The following PCBP2 variants were observed in gnomAD, a reference collection of about 807,000 sequenced individuals.
PCBP2 encodes poly(rC) binding protein 2, also known as poly(rC)-binding protein 2.
Under a neutral mutation model 50.1 loss-of-function variants are expected in PCBP2, and 4 were observed. That is an observed-to-expected ratio of 0.08 (90% confidence interval 0.04 to 0.18). The LOEUF is 0.18. Ranked by LOEUF, PCBP2 falls within the 10% of genes least tolerant of loss-of-function variation. The pLI is 1.00. For missense variants in PCBP2, 161 were observed against 474.3 expected (o/e 0.34, Z 6.14); for synonymous variants, 179 against 168.0 (o/e 1.07, Z -0.51).
At chr12:53,467,387 C>T (rs1338643405) in intron 11 of PCBP2, 94 bp downstream of exon 11, 1 of 1,025,844 alleles carries the variant, frequency 9.7e-7, no homozygotes, top group South Asian at 1.3e-5. Flanking sequence ...AAACAAACTT[C>T]GTTATCCAGC....
Position 53,471,621 on chromosome 12 carries a change from T to C in PCBP2, c.883-17T>C. On this transcript the variant is annotated splice_polypyrimidine_tract_variant and intron_variant, in intron 13 of 14. Coordinates refer to ENST00000546463, the MANE Select transcript of PCBP2 (RefSeq NM_031989.5). ...CAACTCTAATTCGGTGTGCCTTGTT[T>C]TTCTTTCTCCCTTAAGTTGATTGGC... 5.0e-6 allele frequency: 8 copies of C among 1,602,008 alleles called. No individual in the cohort carries two copies. The highest frequency in any genetic ancestry group is 6.8e-6 in the Non-Finnish European group (8 of 1,173,174).
chr12:53,460,868 T>G, intron 6 of PCBP2, 147 bp from the exon 7 acceptor site: 2 of 787,334 alleles, frequency 2.5e-6, no homozygotes, highest in Admixed American at 2.7e-5. Flanking sequence ...CTATCTGGAA[T>G]AAGGGAAGAG....
intron 14 of PCBP2, chr12:53,475,170 G>T: frequency 2.2e-6 from 1 of 456,518 alleles, no homozygotes; most frequent in Non-Finnish European, 4.4e-6. Context: ...CGTGCCATGT[G>T]TAACTAACAA....
chr12:53,456,202 C>A, intron 5 of PCBP2: 1 of 566,480 alleles, frequency 1.8e-6, no homozygotes, highest in East Asian at 3.1e-5. Context: ...CGTGGTGGCT[C>A]ATGGCTGTAG....
At chr12:53,460,252 C>T in intron 6 of PCBP2, 1 of 232,670 alleles carries the variant, frequency 4.3e-6, no homozygotes, top group Admixed American at 5.3e-5. Context: ...AACCCTCCTA[C>T]CTCAAGCCTC....
At chr12:53,473,763 GTTTT>G (rs34942612) in intron 14 of PCBP2, among the ~76,000 whole-genome samples, 18 of 144,960 alleles carry the variant, frequency 1.2e-4, no homozygotes, top group Non-Finnish European at 2.7e-4. Flanking sequence ...AAGTCAAAGG[GTTTT>G]TTTTTTTTTC....
At position 53,461,125 on chromosome 12, in the gene PCBP2, C is replaced by T; in HGVS notation, c.486C>T (p.Ile162=). Residue 162 remains isoleucine, a synonymous_variant, in exon 7 of 15, where the codon ATC becomes ATT. Coordinates refer to ENST00000546463, the MANE Select transcript of PCBP2 (RefSeq NM_031989.5). The part of the protein sequence containing the change: ...PQSIIECVKQ[I]CVVMLESPPK... ...CCATCATTGAGTGTGTCAAACAGATCTGCGTGGTCATGTTGGAGGTAAGCC... is the reference window on the plus strand; with the variant it reads ...CCATCATTGAGTGTGTCAAACAGATTTGCGTGGTCATGTTGGAGGTAAGCC... 1 of 1,613,960 alleles carries T rather than the reference C, an allele frequency of 6.2e-7. No individual in the cohort carries two copies. The highest frequency in any genetic ancestry group is 1.3e-5 in the African/African-American group (1 of 75,002).
intron 12 of PCBP2, 70 bp downstream of exon 12, chr12:53,467,913 T>G: frequency 8.6e-7 from 1 of 1,158,624 alleles, no homozygotes; most frequent in Non-Finnish European, 1.3e-6. Context: ...GAGTCTTGTT[T>G]CACTGCCCAT....
At chr12:53,468,125 G>A (rs1941945328) in intron 12 of PCBP2, 2 of 355,636 alleles carry the variant, frequency 5.6e-6, no homozygotes, top group African/African-American at 2.1e-5. Flanking sequence ...AGATGGGTAC[G>A]GGTATTTGCT....
chr12:53,478,499 C>A (rs34109204), intron 14 of PCBP2, among the ~76,000 whole-genome samples: 17,807 of 151,092 alleles, frequency 0.12, 1,214 homozygotes, highest in Non-Finnish European at 0.16. Flanking sequence ...AACTCAGTCT[C>A]AAAAAAATAA....
At chr12:53,453,994 G>A (rs1009451379) in intron 1 of PCBP2, among the ~76,000 whole-genome samples, 1 of 152,186 alleles carries the variant, frequency 6.6e-6, no homozygotes, top group Non-Finnish European at 1.5e-5. Flanking sequence ...ATAAAAACTG[G>A]ATGGTAAACA....
At chr12:53,462,354 C>A (rs1047681936) in intron 7 of PCBP2, 139 bp from the exon 8 acceptor site, 3 of 590,936 alleles carry the variant, frequency 5.1e-6, no homozygotes, top group Admixed American at 3.2e-5. Flanking sequence ...GAGATTAGAT[C>A]TAGCCAGAGA....
intron 13 of PCBP2, among the ~76,000 whole-genome samples, chr12:53,469,229 G>A (rs2137085791): frequency 6.6e-6 from 1 of 152,006 alleles, no homozygotes; most frequent in African/African-American, 2.4e-5. Flanking sequence ...TTAAGCCCTA[G>A]GGAAAGAAAC....
intron 9 of PCBP2, among the ~76,000 whole-genome samples, chr12:53,465,594 T>C (rs1941760506): frequency 6.6e-6 from 1 of 152,160 alleles, no homozygotes; most frequent in African/African-American, 2.4e-5. Flanking sequence ...TAGGCTATCT[T>C]GTATACAGGG....
intron 5 of PCBP2, 59 bp downstream of exon 5, chr12:53,456,060 A>AT: frequency 2.9e-6 from 3 of 1,043,018 alleles, no homozygotes; most frequent in Non-Finnish European, 4.5e-6. Context: ...GAGCTTGTTG[A>AT]TTTTCTAAGA....
intron 14 of PCBP2, 34 bp downstream of exon 14, chr12:53,471,841 C>T (rs375209748): frequency 6.3e-7 from 1 of 1,586,800 alleles, no homozygotes; most frequent in Non-Finnish European, 8.6e-7. Context: ...TTATTTATGC[C>T]AACACAGTAA....
chr12:53,455,336 C>T lies in PCBP2; in HGVS notation c.70-11C>T. On this transcript the variant is annotated splice_polypyrimidine_tract_variant and intron_variant, in intron 2 of 14. Coordinates refer to ENST00000546463, the MANE Select transcript of PCBP2 (RefSeq NM_031989.5). ...GTTTCCTCTTACTGACGTTAGTTTT[C>T]TCCATTGCAGGAAGTTGGCAGTATC... is the stretch of plus-strand genomic sequence containing the variant. The T allele has an allele frequency of 6.2e-7, 1 of 1,612,884 alleles. No homozygotes were observed. Among genetic ancestry groups the T allele is most frequent in the Non-Finnish European group, 8.5e-7 (1 of 1,179,212 alleles).
chr12:53,463,321 C>T lies in PCBP2; in HGVS notation c.579+754C>T, dbSNP rs769348014. On this transcript the variant is annotated intron_variant, in intron 8 of 14. Coordinates refer to ENST00000546463, the MANE Select transcript of PCBP2 (RefSeq NM_031989.5). ...AGAAGCATTGAAGGACCATGGTAGT[C>T]CTATGCTCTGATTGTATTTGAGGAG... Among the ~76,000 whole-genome samples, 298 of 152,112 alleles carry T rather than the reference C, an allele frequency of 2.0e-3. 4 individuals carry two copies. The highest frequency in any genetic ancestry group is 9.6e-4 in the Non-Finnish European group (65 of 68,020).
intron 5 of PCBP2, among the ~76,000 whole-genome samples, chr12:53,459,066 CTAA>C (rs1210298207): frequency 1.3e-5 from 2 of 151,982 alleles, no homozygotes; most frequent in East Asian, 3.9e-4. Flanking sequence ...ATATTTATGG[CTAA>C]TTTTGAGGAA....
Sources: allele counts gnomAD v4.1 joint callset (sites outside exome capture counted in the v4.1 genomes callset), GRCh38; gene constraint gnomAD v4.1.1; transcripts MANE v1.5; gene names NCBI Gene and HGNC (gene_info 2026-07-23, HGNC 2026-07-21).